Variants in MAMLD1 observed in about 807,000 individuals in gnomAD.
MAMLD1 encodes the protein mastermind-like domain-containing protein 1.
Under a neutral mutation model 45.0 loss-of-function variants are expected in MAMLD1, and 14 were observed. That is an observed-to-expected ratio of 0.31 (90% CI 0.21 to 0.49). The LOEUF (loss-of-function observed/expected upper bound fraction) is 0.49, where lower values mean the gene tolerates loss of function less well. Among genes scored for constraint, MAMLD1 ranks in the 20% least tolerant of loss-of-function variants. The pLI, the probability that MAMLD1 is intolerant of heterozygous loss-of-function variation, is 0.99. For missense variants in MAMLD1, 543 were observed against 603.6 expected, an observed-to-expected ratio of 0.90 and a Z score of 1.05; for synonymous variants, 254 against 247.8, an observed-to-expected ratio of 1.02 and a Z score of -0.24.
At chrX:150,391,909 G>A (rs190956766) in intron 1 of MAMLD1, among the ~76,000 whole-genome samples, 117 of 111,772 alleles carry the variant, frequency 1.0e-3, no homozygotes, top group African/African-American at 3.6e-3. Flanking sequence ...TTCTTGCTAG[G>A]CCCCACTAAC....
intron 5 of MAMLD1, among the ~76,000 whole-genome samples, chrX:150,486,150 G>C (rs184126136): frequency 7.1e-5 from 8 of 112,136 alleles, no homozygotes; most frequent in Admixed American, 1.9e-4. Flanking sequence ...CATCAAAGAT[G>C]CTGTTTCTTT....
At chrX:150,362,276 T>C (rs2031041110), upstream of MAMLD1, among the ~76,000 whole-genome samples, 1 of 110,464 alleles carries the variant, frequency 9.1e-6, no homozygotes, top group African/African-American at 3.3e-5. Flanking sequence ...AGCCCTAGGG[T>C]CAGGCTCTGG....
intron 2 of MAMLD1, among the ~76,000 whole-genome samples, chrX:150,462,000 C>T (rs3788806): frequency 0.14 from 15,422 of 111,602 alleles, 917 homozygotes; most frequent in African/African-American, 0.19. Flanking sequence ...ACCCGGTGGG[C>T]GGAGCAGGGA....
At chrX:150,363,015 G>C (rs1462776445), upstream of MAMLD1, 1 of 113,161 alleles carries the variant, frequency 8.8e-6, no homozygotes, top group African/African-American at 3.2e-5. Context: ...AGACTGGTGG[G>C]AGGGCCCGGG....
upstream of MAMLD1, chrX:150,363,019 G>A (rs1391766086): frequency 8.8e-6 from 1 of 113,175 alleles, no homozygotes; most frequent in Admixed American, 9.2e-5. Flanking sequence ...TGGTGGGAGG[G>A]CCCGGGAGGC....
At chrX:150,393,196 C>T (rs782268160) in intron 1 of MAMLD1, among the ~76,000 whole-genome samples, 2 of 111,895 alleles carry the variant, frequency 1.8e-5, no homozygotes, top group Non-Finnish European at 3.8e-5. Flanking sequence ...CAGAATCATA[C>T]GGTATGTAGC....
chrX:150,473,721 G>C lies in MAMLD1; in HGVS notation c.1959G>C (p.Ser653=). 2 of 1,209,080 alleles carry C rather than the reference G, an allele frequency of 1.7e-6. No homozygotes were observed. The highest frequency in any genetic ancestry group is 3.0e-5 in the East Asian group (1 of 33,825). ...TTGCATGGACTTCTGCAGCTAGCTC[G>C]GTGAAGCCCCAGCATCAACACGGGA... The part of the protein sequence containing the change: ...HLFAWTSAAS[S]VKPQHQHGNS... The change falls in exon 5 of 8, where the codon TCG becomes TCC. Residue 653 remains serine (S), a synonymous_variant. Transcript: ENST00000370401.
At position 150,469,855 on chromosome X, in the gene MAMLD1, A is replaced by G; in HGVS notation, c.282A>G (p.Ala94=). The G allele has an allele frequency of 8.3e-7, 1 of 1,211,502 alleles. No individual in the cohort carries two copies. The highest frequency in any genetic ancestry group is 1.1e-6 in the Non-Finnish European group (1 of 895,336). ...KRPCLEDVTL[A]MGPGAHPSTA... ...CTTGCCTTGAAGATGTCACCCTTGCAATGGGCCCAGGTGCTCATCCTAGTA... is the reference window on the plus strand; with the variant it reads ...CTTGCCTTGAAGATGTCACCCTTGCGATGGGCCCAGGTGCTCATCCTAGTA... The change falls in exon 4 of 8, where the codon GCA becomes GCG. Residue 94 remains alanine (A), a synonymous_variant. Coordinates refer to ENST00000370401, the MANE Select transcript of MAMLD1 (RefSeq NM_005491.5).
At chrX:150,379,855 T>G (rs1192562267) in intron 1 of MAMLD1, among the ~76,000 whole-genome samples, 1 of 112,153 alleles carries the variant, frequency 8.9e-6, no homozygotes, top group African/African-American at 3.2e-5. Context: ...CATATAGAGA[T>G]CTTCTTCATT....
chrX:150,462,926 C>G (rs1162635120), intron 3 of MAMLD1, 80 bp downstream of exon 3: 5 of 719,480 alleles, frequency 6.9e-6, no homozygotes, highest in Non-Finnish European at 1.1e-5. Flanking sequence ...AAGGGACCTA[C>G]AAGAGGTCAC....
chrX:150,502,399 G>T (rs1372729236), intron 5 of MAMLD1, among the ~76,000 whole-genome samples: 6 of 112,443 alleles, frequency 5.3e-5, no homozygotes, highest in African/African-American at 1.9e-4. Context: ...CAGGCTTCCA[G>T]CTGGTCCTTT....
Position 150,503,344 on chromosome X carries a change from C to T in MAMLD1, c.2111C>T (p.Pro704Leu), listed in dbSNP as rs150516986. 2.0e-5 allele frequency: 24 copies of T among 1,210,610 alleles called. No individual in the cohort carries two copies. The highest frequency in any genetic ancestry group is 4.3e-5 in the Admixed American group (2 of 45,996). ...HPQVSLGRQPPSCQALGSESF... is the reference protein window; with the variant it reads ...HPQVSLGRQPLSCQALGSESF... ...CAGGTCAGCCTCGGGCGACAGCCCCCGTCCTGCCAGGCCCTGGGGAGTGAG... is the reference window on the plus strand; with the variant it reads ...CAGGTCAGCCTCGGGCGACAGCCCCTGTCCTGCCAGGCCCTGGGGAGTGAG... The change falls in exon 6 of 8, where the codon CCG (proline) becomes CTG (leucine). Residue 704 changes from proline to leucine, a missense_variant. Pro to Leu is a moderately conservative substitution (Grantham distance 98). Coordinates refer to ENST00000370401, the MANE Select transcript of MAMLD1 (RefSeq NM_005491.5).
chrX:150,377,321 A>G (rs2124468380), intron 1 of MAMLD1, among the ~76,000 whole-genome samples: 1 of 113,348 alleles, frequency 8.8e-6, no homozygotes, highest in East Asian at 2.8e-4. Context: ...GAGGAGGCTG[A>G]CCTAAAGGGG....
chrX:150,389,112 T>A (rs2033060817), intron 1 of MAMLD1, among the ~76,000 whole-genome samples: 1 of 111,274 alleles, frequency 9.0e-6, no homozygotes, highest in Non-Finnish European at 1.9e-5. Context: ...AATGGCATGA[T>A]CTCGGCTCAC....
intron 5 of MAMLD1, among the ~76,000 whole-genome samples, chrX:150,476,561 T>C (rs1173533688): frequency 2.7e-5 from 3 of 110,500 alleles, no homozygotes; most frequent in Non-Finnish European, 5.7e-5. Context: ...GGGAGTGTGG[T>C]TTCATGGGGA....
Position 150,470,818 on chromosome X carries a change from C to G in MAMLD1, c.1245C>G (p.Leu415=), listed in dbSNP as rs1557406411. 1 of 1,212,228 alleles carries G rather than the reference C, an allele frequency of 8.2e-7. No homozygotes were observed. Among genetic ancestry groups the G allele is most frequent in the East Asian group, 3.0e-5 (1 of 33,844 alleles). Residue 415 remains leucine (L), a synonymous_variant, in exon 4 of 8, where the codon CTC becomes CTG. Transcript: ENST00000370401. ...CTGAGAAGCTCCCCAGCCCTGCTCT[C>G]ACTCAACAGCCGCAGTTCGGCCCTC... ...YAPEKLPSPA[L]TQQPQFGPQS... is the part of the protein sequence containing the mutation.
Position 150,470,935 on chromosome X carries a change from G to A in MAMLD1, c.1362G>A (p.Pro454=), listed in dbSNP as rs782539053. The change falls in exon 4 of 8, where the codon CCG becomes CCA. Residue 454 remains proline (P), a synonymous_variant. Coordinates refer to ENST00000370401, the MANE Select transcript of MAMLD1 (RefSeq NM_005491.5). ...MSALPASNPG[P]SPPYRPEKLS... ...CTCTGCCTGCCAGCAACCCTGGGCC[G>A]TCCCCACCCTATCGCCCAGAGAAGC... is the stretch of plus-strand genomic sequence containing the variant. 1.1e-5 allele frequency: 13 copies of A among 1,209,767 alleles called. No individual in the cohort carries two copies. In the South Asian group the frequency reaches 1.6e-4, roughly 15 times the overall value.
At chrX:150,489,785 T>C (rs1439275351) in intron 5 of MAMLD1, among the ~76,000 whole-genome samples, 3 of 110,261 alleles carry the variant, frequency 2.7e-5, no homozygotes, top group African/African-American at 9.9e-5. Context: ...CCGTATCGGG[T>C]TAGACATTCA....
chrX:150,479,368 A>G (rs2036682266), intron 5 of MAMLD1, among the ~76,000 whole-genome samples: 3 of 112,142 alleles, frequency 2.7e-5, no homozygotes, highest in Admixed American at 1.9e-4. Flanking sequence ...AGTAGAGATC[A>G]ATAGATACAA....
Sources: allele counts gnomAD v4.1 joint callset (sites outside exome capture counted in the v4.1 genomes callset), GRCh38; gene constraint gnomAD v4.1.1; transcripts MANE v1.5; gene names NCBI Gene and HGNC (gene_info 2026-07-23, HGNC 2026-07-21).